Variants in COX7B2 observed in about 807,000 individuals in gnomAD.
The protein encoded by COX7B2 is cytochrome c oxidase subunit 7B2, also known as cytochrome c oxidase subunit 7B2, mitochondrial.
For synonymous variants in COX7B2, 37 were observed against 32.1 expected (o/e 1.15, Z -0.51); for missense variants, 109 against 95.9 (o/e 1.14, Z -0.57).
chr4:46,754,569 A>T (rs1431933794), intron 2 of COX7B2, among the ~76,000 whole-genome samples: 1 of 145,744 alleles, frequency 6.9e-6, no homozygotes, highest in Admixed American at 6.9e-5. Context: ...GAGGGATAGC[A>T]TTAGGAGATA....
rs556589654 is a variant in COX7B2, at chr4:46,736,635, T to A, written c.-49-1394A>T. Reference sequence around the variant, plus strand: ...TATTCATCTTTCTGTTTTGACTTACTCCTGGCAACCACTGATCTTTTTACT... The same window carrying A: ...TATTCATCTTTCTGTTTTGACTTACACCTGGCAACCACTGATCTTTTTACT... On this transcript the variant is annotated intron_variant, in intron 2 of 2. Coordinates refer to ENST00000355591, the MANE Select transcript of COX7B2 (RefSeq NM_130902.3). Among the ~76,000 whole-genome samples the A allele has an allele frequency of 3.7e-3, 562 of 152,300 alleles. 2 individuals are homozygous for A. Among genetic ancestry groups the A allele is most frequent in the Non-Finnish European group, 6.2e-3 (423 of 68,004 alleles).
chr4:46,862,930 G>C (rs765711595), intron 1 of COX7B2, among the ~76,000 whole-genome samples: 4 of 152,094 alleles, frequency 2.6e-5, no homozygotes, highest in Admixed American at 2.6e-4. Flanking sequence ...CTGGACGTAT[G>C]GGTCATTTCC....
intron 1 of COX7B2, among the ~76,000 whole-genome samples, chr4:46,907,685 C>A (rs1487051969): frequency 6.6e-6 from 1 of 151,046 alleles, no homozygotes. Flanking sequence ...CCAGAGTACA[C>A]AGAATTGTTA....
chr4:46,735,043 A>C lies in COX7B2; in HGVS notation c.150T>G (p.Cys50Trp). The C allele has an allele frequency of 6.2e-7, 1 of 1,614,094 alleles. No homozygotes were observed. Among genetic ancestry groups the C allele is most frequent in the Non-Finnish European group, 8.5e-7 (1 of 1,179,976 alleles). Residue 50 changes from cysteine (C) to tryptophan (W), a missense_variant, in exon 3 of 3, where the codon TGT (cysteine) becomes TGG (tryptophan). Physicochemically the swap from Cys to Trp is radical, Grantham distance 215 (BLOSUM62 -2). Coordinates refer to ENST00000355591, the MANE Select transcript of COX7B2 (RefSeq NM_130902.3). ...TGGCTGTAAACACCCATGTAGCAAC[A>C]CAGAAAGCAGTTCCACTGGCTAGCA... is the stretch of plus-strand genomic sequence containing the variant. ...NAVLASGTAFCVATWVFTATQ... is the reference protein window; with the variant it reads ...NAVLASGTAFWVATWVFTATQ...
At chr4:46,897,138 G>A (rs1719811953) in intron 1 of COX7B2, among the ~76,000 whole-genome samples, 1 of 151,988 alleles carries the variant, frequency 6.6e-6, no homozygotes, top group Admixed American at 6.6e-5. Flanking sequence ...CTCACCCCAG[G>A]GGCACAGACA....
At chr4:46,759,877 ATATCTTATATAAGTTATATAAGTCT>A (rs1560360060) in intron 2 of COX7B2, among the ~76,000 whole-genome samples, 203 of 91,444 alleles carry the variant, frequency 2.2e-3, no homozygotes, top group Middle Eastern at 5.6e-3. Flanking sequence ...TATATAAGTC[ATATCTTATATAAGTTATATAAGTCT>A]TATCTTATAT....
chr4:46,894,092 A>C (rs1719604435), intron 1 of COX7B2, among the ~76,000 whole-genome samples: 1 of 152,228 alleles, frequency 6.6e-6, no homozygotes, highest in Admixed American at 6.5e-5. Context: ...TACGGCCCAA[A>C]GAAATGTACA....
chr4:46,869,853 G>T (rs1717878847), intron 1 of COX7B2, among the ~76,000 whole-genome samples: 1 of 151,936 alleles, frequency 6.6e-6, no homozygotes. Flanking sequence ...TATGTGTCTT[G>T]GGGATGATCT....
chr4:46,769,254 A>G (rs1161339749), intron 2 of COX7B2, among the ~76,000 whole-genome samples: 1 of 152,200 alleles, frequency 6.6e-6, no homozygotes, highest in Non-Finnish European at 1.5e-5. Flanking sequence ...CCAAAGCCAG[A>G]CAAGGACACT....
chr4:46,795,462 T>G (rs1420006205), intron 2 of COX7B2, among the ~76,000 whole-genome samples: 2 of 129,524 alleles, frequency 1.5e-5, no homozygotes, highest in African/African-American at 3.3e-5. Flanking sequence ...AGGGAATCCT[T>G]TCCCCATTGC....
chr4:46,881,005 A>AAAAAAAAAAAAC (rs1718697930), intron 1 of COX7B2, among the ~76,000 whole-genome samples: 1 of 151,430 alleles, frequency 6.6e-6, no homozygotes, highest in African/African-American at 2.4e-5. Flanking sequence ...AAAAAAAAAA[A>AAAAAAAAAAAAC]AAAAAACTCT....
intron 1 of COX7B2, among the ~76,000 whole-genome samples, chr4:46,849,903 T>A (rs994837659): frequency 6.6e-6 from 1 of 152,090 alleles, no homozygotes; most frequent in Non-Finnish European, 1.5e-5. Context: ...TATGTTCATA[T>A]AACTACCATA....
intron 1 of COX7B2, among the ~76,000 whole-genome samples, chr4:46,856,158 C>A (rs1222623052): frequency 6.6e-6 from 1 of 152,030 alleles, no homozygotes; most frequent in Non-Finnish European, 1.5e-5. Flanking sequence ...GCAGGAGGAT[C>A]ACTTGAACCT....
At chr4:46,815,116 G>A (rs534489625) in intron 2 of COX7B2, among the ~76,000 whole-genome samples, 76 of 151,800 alleles carry the variant, frequency 5.0e-4, no homozygotes, top group African/African-American at 1.7e-3. Flanking sequence ...AGCCCGGGAG[G>A]TGGAGGTTGC....
chr4:46,779,146 A>G (rs961032645), intron 2 of COX7B2, among the ~76,000 whole-genome samples: 1 of 152,192 alleles, frequency 6.6e-6, no homozygotes, highest in Non-Finnish European at 1.5e-5. Context: ...TACATGCTGA[A>G]GACTGTGATT....
At chr4:46,856,339 G>C (rs748948957) in intron 1 of COX7B2, among the ~76,000 whole-genome samples, 1 of 152,164 alleles carries the variant, frequency 6.6e-6, no homozygotes, top group Non-Finnish European at 1.5e-5. Context: ...TATGGGACCA[G>C]TATTTCTTTT....
At chr4:46,834,605 T>C (rs1715388017) in intron 2 of COX7B2, among the ~76,000 whole-genome samples, 1 of 152,130 alleles carries the variant, frequency 6.6e-6, no homozygotes, top group African/African-American at 2.4e-5. Context: ...CCAACTTTCT[T>C]TGGAAGCATT....
At chr4:46,801,140 G>A (rs1718634253) in intron 2 of COX7B2, among the ~76,000 whole-genome samples, 1 of 152,190 alleles carries the variant, frequency 6.6e-6, no homozygotes, top group African/African-American at 2.4e-5. Context: ...ATTCCTGGTG[G>A]GAATGTAAAT....
At chr4:46,787,849 C>G (rs998066079) in intron 2 of COX7B2, among the ~76,000 whole-genome samples, 5 of 152,070 alleles carry the variant, frequency 3.3e-5, no homozygotes, top group African/African-American at 9.7e-5. Flanking sequence ...TTTAGTCAAC[C>G]CGAGTTTTAG....
Sources: allele counts gnomAD v4.1 joint callset (sites outside exome capture counted in the v4.1 genomes callset), GRCh38; gene constraint gnomAD v4.1.1; transcripts MANE v1.5; gene names NCBI Gene and HGNC (gene_info 2026-07-23, HGNC 2026-07-21).